Variants in SH3KBP1 observed in about 807,000 individuals in gnomAD.
SH3KBP1 encodes SH3 domain-containing kinase-binding protein 1.
In SH3KBP1, 8 loss-of-function variants were observed where a neutral mutation model predicts 50.1. The ratio of observed to expected loss-of-function variants is 0.16; its 90% CI spans 0.09 to 0.29. SH3KBP1 has a LOEUF of 0.29. Ranked by LOEUF, SH3KBP1 falls within the 10% of genes least tolerant of loss-of-function variation. SH3KBP1 has a pLI of 1.00. For synonymous variants in SH3KBP1, 227 were observed against 218.6 expected (o/e 1.04, Z -0.34); for missense variants, 377 against 535.2 (o/e 0.70, Z 2.92).
At position 19,671,925 on chromosome X, in the gene SH3KBP1, T is replaced by G. The variant is rs1383554497; in HGVS notation, c.726+11898A>C. On this transcript the variant is annotated intron_variant, in intron 6 of 17. Transcript: ENST00000397821. ...ATATGCTTAGACTTTGATGACCTGT[T>G]TCAGTTAACTATGGTTAATATTTAA... Among the ~76,000 whole-genome samples, 5 of 112,162 alleles carry G rather than the reference T, an allele frequency of 4.5e-5. No individual in the cohort carries two copies. In the Admixed American group the frequency reaches 4.7e-4, roughly 11 times the overall value.
At chrX:19,656,444 C>T (rs2062280098) in intron 6 of SH3KBP1, among the ~76,000 whole-genome samples, 1 of 111,953 alleles carries the variant, frequency 8.9e-6, no homozygotes, top group Non-Finnish European at 1.9e-5. Context: ...TATCTAAAGG[C>T]AGTTCATAGT....
intron 12 of SH3KBP1, among the ~76,000 whole-genome samples, chrX:19,573,784 C>T (rs1602521446): frequency 1.8e-5 from 2 of 111,119 alleles, no homozygotes; most frequent in East Asian, 5.6e-4. Context: ...GTTTGCAGGC[C>T]AGGGGTGGAG....
intron 8 of SH3KBP1, among the ~76,000 whole-genome samples, chrX:19,613,566 T>G (rs2067499592): frequency 8.9e-6 from 1 of 112,545 alleles, no homozygotes; most frequent in African/African-American, 3.2e-5. Flanking sequence ...GCCAAAATGG[T>G]TTCTCTATGC....
chrX:19,830,025 C>CTCATCACCAT (rs1569483765), intron 2 of SH3KBP1, among the ~76,000 whole-genome samples: 1 of 111,174 alleles, frequency 9.0e-6, no homozygotes, highest in Non-Finnish European at 1.9e-5. Flanking sequence ...AGAGGTCACT[C>CTCATCACCAT]TCATCACCAT....
At chrX:19,822,032 A>T (rs1389750534) in intron 2 of SH3KBP1, among the ~76,000 whole-genome samples, 1 of 112,435 alleles carries the variant, frequency 8.9e-6, no homozygotes, top group Non-Finnish European at 1.9e-5. Context: ...ATTTTACAGG[A>T]GAAATTCATT....
chrX:19,776,424 C>T (rs1320704028), intron 2 of SH3KBP1, among the ~76,000 whole-genome samples: 1 of 108,741 alleles, frequency 9.2e-6, no homozygotes, highest in Non-Finnish European at 1.9e-5. Flanking sequence ...GCAGTGATGT[C>T]CCTGGGCCAA....
At chrX:19,779,228 G>A (rs944438818) in intron 2 of SH3KBP1, among the ~76,000 whole-genome samples, 9 of 106,243 alleles carry the variant, frequency 8.5e-5, no homozygotes, top group Non-Finnish European at 1.5e-4. Flanking sequence ...GACCCCAGGA[G>A]GTCAAGGCTG....
intron 6 of SH3KBP1, chrX:19,670,838 GC>G: frequency 1.3e-6 from 1 of 767,818 alleles, no homozygotes. Context: ...AACTCTAAAA[GC>G]AAAAAAAAAA....
intron 2 of SH3KBP1, among the ~76,000 whole-genome samples, chrX:19,754,784 G>A (rs971894271): frequency 2.7e-5 from 3 of 111,744 alleles, no homozygotes; most frequent in Non-Finnish European, 3.8e-5. Context: ...TAAAGATACG[G>A]CTGGATCACC....
At chrX:19,540,644 C>G (rs778005765) in intron 16 of SH3KBP1, among the ~76,000 whole-genome samples, 2 of 111,623 alleles carry the variant, frequency 1.8e-5, no homozygotes, top group Admixed American at 1.9e-4. Context: ...CGCTGTAAGT[C>G]TCTGGCTGCA....
At chrX:19,584,165 A>ATATATTTATATATAATATATT (rs1569310092) in intron 12 of SH3KBP1, among the ~76,000 whole-genome samples, 1 of 93,966 alleles carries the variant, frequency 1.1e-5, no homozygotes, top group Non-Finnish European at 2.0e-5. Context: ...ATATATTTAT[A>ATATATTTATATATAATATATT]TATATTTATA....
intron 6 of SH3KBP1, among the ~76,000 whole-genome samples, chrX:19,655,328 G>A (rs1032845654): frequency 8.9e-6 from 1 of 111,863 alleles, no homozygotes; most frequent in African/African-American, 3.3e-5. Context: ...ATCTACAAAG[G>A]TGAGATGGGC....
At chrX:19,549,797 C>A (rs891242863) in intron 14 of SH3KBP1, among the ~76,000 whole-genome samples, 177 bp downstream of exon 14, 1 of 112,137 alleles carries the variant, frequency 8.9e-6, no homozygotes, top group Non-Finnish European at 1.9e-5. Flanking sequence ...AAAGAAATGC[C>A]GCTCAAGTCA....
intron 2 of SH3KBP1, among the ~76,000 whole-genome samples, chrX:19,794,475 G>A (rs112639693): frequency 0.055 from 6,044 of 110,219 alleles, 392 homozygotes; most frequent in African/African-American, 0.18. Flanking sequence ...AGGCTGAGGC[G>A]GGCGGATCAC....
At chrX:19,593,807 G>A (rs1043498222) in intron 10 of SH3KBP1, among the ~76,000 whole-genome samples, 7 of 111,680 alleles carry the variant, frequency 6.3e-5, no homozygotes, top group Admixed American at 4.8e-4. Flanking sequence ...AGGCCTACAG[G>A]GAAAGGGGTC....
chrX:19,537,945 T>G (rs1020733202), intron 16 of SH3KBP1, among the ~76,000 whole-genome samples, 165 bp from the exon 17 acceptor site: 1 of 111,769 alleles, frequency 8.9e-6, no homozygotes, highest in Non-Finnish European at 1.9e-5. Context: ...AAAATTTGTT[T>G]CAGACAGTAA....
At position 19,852,008 on chromosome X, in the gene SH3KBP1, T is replaced by C. The variant is rs770517139; in HGVS notation, c.5-15726A>G. On this transcript the variant is annotated intron_variant, in intron 1 of 17. Coordinates refer to ENST00000397821, the MANE Select transcript of SH3KBP1 (RefSeq NM_031892.3). ...CCAGCTGTCAACAGGAGAAATCTAA[T>C]CTTCCTCCCCGGGCTTTGGAACCTG... Among the ~76,000 whole-genome samples the C allele has an allele frequency of 2.7e-5, 3 of 111,757 alleles. No individual in the cohort carries two copies. In the South Asian group the frequency reaches 1.1e-3, roughly 42 times the overall value.
intron 3 of SH3KBP1, among the ~76,000 whole-genome samples, chrX:19,734,255 C>A (rs1455030471): frequency 8.9e-6 from 1 of 111,941 alleles, no homozygotes; most frequent in Non-Finnish European, 1.9e-5. Flanking sequence ...CTACCCTTCT[C>A]AAATCGATTA....
chrX:19,712,924 G>A (rs1167134532), intron 3 of SH3KBP1, among the ~76,000 whole-genome samples: 2 of 111,523 alleles, frequency 1.8e-5, no homozygotes, highest in African/African-American at 3.3e-5. Flanking sequence ...ATGAGGAGCC[G>A]TTTACAAAAA....
Sources: gnomAD v4.1 joint callset for allele counts (sites outside exome capture counted in the v4.1 genomes callset) on GRCh38, gnomAD v4.1.1 for gene constraint, MANE v1.5 for transcripts, NCBI Gene and HGNC (gene_info 2026-07-23, HGNC 2026-07-21) for gene names.